GNAQ: variants seen among roughly 807,000 people sequenced by gnomAD.
The protein encoded by GNAQ is G protein subunit alpha q, also known as guanine nucleotide-binding protein G(q) subunit alpha.
In GNAQ, 8 loss-of-function variants were observed where a neutral mutation model predicts 43.9. The observed-to-expected ratio is 0.18, with a 90% CI of 0.11 to 0.33. The LOEUF (loss-of-function observed/expected upper bound fraction) is 0.33. Ranked by LOEUF, GNAQ falls within the 10% of genes least tolerant of loss-of-function variation. The pLI is 1.00. For missense variants in GNAQ, 158 were observed against 450.8 expected (o/e 0.35, Z 5.88); for synonymous variants, 155 against 170.7 (o/e 0.91, Z 0.71).
intron 1 of GNAQ, among the ~76,000 whole-genome samples, chr9:77,960,559 G>T (rs959087138): frequency 6.6e-6 from 1 of 152,172 alleles, no homozygotes; most frequent in African/African-American, 2.4e-5. Context: ...TGATTGGTTT[G>T]CACAGGAAAG....
At chr9:77,788,037 A>G (rs1826510558) in intron 5 of GNAQ, among the ~76,000 whole-genome samples, 1 of 152,220 alleles carries the variant, frequency 6.6e-6, no homozygotes, top group African/African-American at 2.4e-5. Context: ...GTCTCAAAAA[A>G]CAAAACAAGA....
intron 1 of GNAQ, among the ~76,000 whole-genome samples, chr9:77,964,934 C>A (rs938053520): frequency 6.6e-6 from 1 of 152,106 alleles, no homozygotes; most frequent in African/African-American, 2.4e-5. Context: ...AATTACAATT[C>A]ACTGTACAAC....
chr9:77,842,351 G>C (rs1827505748), intron 2 of GNAQ, among the ~76,000 whole-genome samples: 1 of 152,144 alleles, frequency 6.6e-6, no homozygotes, highest in Admixed American at 6.5e-5. Context: ...GATCAATCCT[G>C]ACAGTACCAT....
intron 2 of GNAQ, among the ~76,000 whole-genome samples, chr9:77,911,391 T>C (rs1342798543): frequency 3.3e-5 from 5 of 152,192 alleles, no homozygotes; most frequent in Non-Finnish European, 7.3e-5. Flanking sequence ...ATGTTTACAG[T>C]TGCACCTGTG....
chr9:77,771,603 T>C (rs766683964), intron 5 of GNAQ, among the ~76,000 whole-genome samples: 4 of 152,164 alleles, frequency 2.6e-5, no homozygotes, highest in Non-Finnish European at 5.9e-5. Context: ...TCTCTCATTT[T>C]AGTGTTTAGT....
intron 1 of GNAQ, among the ~76,000 whole-genome samples, chr9:78,020,407 G>C (rs926259429): frequency 1.3e-5 from 2 of 152,134 alleles, no homozygotes; most frequent in African/African-American, 4.8e-5. Context: ...CTTCATGAGA[G>C]TTCTATGCTC....
intron 2 of GNAQ, among the ~76,000 whole-genome samples, chr9:77,913,050 T>C (rs1229394909): frequency 4.6e-5 from 7 of 152,162 alleles, no homozygotes; most frequent in Admixed American, 1.3e-4. Context: ...GTCAAGGATG[T>C]GGAGCAACTA....
At chr9:77,823,378 T>C (rs920420027) in intron 2 of GNAQ, among the ~76,000 whole-genome samples, 2 of 152,176 alleles carry the variant, frequency 1.3e-5, no homozygotes, top group Middle Eastern at 3.2e-3. Context: ...TGTAAAAAGT[T>C]ACCTGGACCA....
At chr9:77,943,838 T>C (rs1829349447) in intron 1 of GNAQ, among the ~76,000 whole-genome samples, 1 of 151,952 alleles carries the variant, frequency 6.6e-6, no homozygotes, top group South Asian at 2.1e-4. Context: ...GGCTAATTGT[T>C]GTATTTTTAG....
At chr9:77,818,121 C>T (rs1827051438) in intron 2 of GNAQ, among the ~76,000 whole-genome samples, 1 of 152,098 alleles carries the variant, frequency 6.6e-6, no homozygotes, top group Non-Finnish European at 1.5e-5. Context: ...CTGCTATAAA[C>T]CCGTTACTCA....
chr9:77,987,171 G>T (rs150053892), intron 1 of GNAQ, among the ~76,000 whole-genome samples: 40 of 152,188 alleles, frequency 2.6e-4, no homozygotes, highest in African/African-American at 8.9e-4. Flanking sequence ...AATTCCATAT[G>T]AAGTTCTGCT....
In GNAQ at chr9:77,717,434, G is replaced by T. The variant is rs1350886345; in HGVS notation, c.*3889C>A. ...AAACAAAGGGAAATCAAGGGTAATC[G>T]GTAGGTGATTTGAGGGAAATTTCCA... On this transcript the variant is annotated 3_prime_UTR_variant, in exon 7 of 7. Transcript: ENST00000286548. 2 of 232,178 alleles carry T rather than the reference G, an allele frequency of 8.6e-6. No homozygotes were observed. The highest frequency in any genetic ancestry group is 4.4e-5 in the African/African-American group (2 of 45,264). 14.4% of individuals were successfully genotyped at this position (232,178 alleles called of 1,614,324 possible). A position where few individuals can be genotyped will look rare whatever the true frequency, so the allele number is the denominator to read the frequency against.
intron 5 of GNAQ, among the ~76,000 whole-genome samples, chr9:77,785,019 TG>T (rs1371699650): frequency 1.4e-4 from 21 of 152,218 alleles, no homozygotes; most frequent in African/African-American, 5.1e-4. Flanking sequence ...TTAAACTGTT[TG>T]GCAGTGTCAT....
At chr9:77,841,066 C>T (rs928658511) in intron 2 of GNAQ, among the ~76,000 whole-genome samples, 4 of 152,074 alleles carry the variant, frequency 2.6e-5, no homozygotes, top group African/African-American at 9.7e-5. Flanking sequence ...CCAGATATCA[C>T]ACCTCATGTA....
chr9:77,891,017 G>A (rs146357844), intron 2 of GNAQ, among the ~76,000 whole-genome samples: 1 of 152,298 alleles, frequency 6.6e-6, no homozygotes, highest in East Asian at 1.9e-4. Context: ...GCAAGAGAGT[G>A]TTTTAAATTT....
At chr9:77,763,145 A>C (rs11145557) in intron 5 of GNAQ, among the ~76,000 whole-genome samples, 10,456 of 129,328 alleles carry the variant, frequency 0.081, 704 homozygotes, top group East Asian at 0.27. Flanking sequence ...AACAAACAAA[A>C]AAAAAAAAAA....
intron 1 of GNAQ, among the ~76,000 whole-genome samples, chr9:77,952,382 T>TA (rs1410205559): frequency 6.6e-6 from 1 of 152,206 alleles, no homozygotes; most frequent in African/African-American, 2.4e-5. Context: ...GTACAAAGAA[T>TA]ACTTGTTTTA....
At position 77,953,935 on chromosome 9, in the gene GNAQ, C is replaced by G. The variant is rs1456733375; in HGVS notation, c.137-31590G>C. 3.3e-5 allele frequency among the ~76,000 whole-genome samples: 5 copies of G among 152,166 alleles called. No homozygotes were observed. In the East Asian group the frequency reaches 9.7e-4, roughly 29 times the overall value. Reference sequence around the variant, plus strand: ...AACACTGTTATCTTCCTTCATTGACCAAATATTTAATTATCTATTCCTATC... The same window carrying G: ...AACACTGTTATCTTCCTTCATTGACGAAATATTTAATTATCTATTCCTATC... On this transcript the variant is annotated intron_variant, in intron 1 of 6. Coordinates refer to ENST00000286548, the MANE Select transcript of GNAQ (RefSeq NM_002072.5).
chr9:77,940,963 CAA>C (rs575987702), intron 1 of GNAQ, among the ~76,000 whole-genome samples: 1 of 113,146 alleles, frequency 8.8e-6, no homozygotes. Flanking sequence ...GACTCCGTCT[CAA>C]AAAAAAAAAA....
Sources: allele counts gnomAD v4.1 joint callset (sites outside exome capture counted in the v4.1 genomes callset), GRCh38; gene constraint gnomAD v4.1.1; transcripts MANE v1.5; gene names NCBI Gene and HGNC (gene_info 2026-07-23, HGNC 2026-07-21).